WWC1: variants seen among roughly 807,000 people sequenced by gnomAD.
WWC1 encodes the protein protein KIBRA.
WWC1 carries 55 observed loss-of-function variants against 138.4 expected under a neutral mutation model. The observed-to-expected ratio is 0.40, with a 90% CI of 0.32 to 0.50. WWC1 has a LOEUF of 0.50. Ranked by LOEUF, WWC1 falls within the 20% of genes least tolerant of loss-of-function variation. The pLI, the probability that WWC1 is intolerant of heterozygous loss-of-function variation, is 0.72. For synonymous variants in WWC1, 524 were observed against 564.9 expected (o/e 0.93, Z 1.03); for missense variants, 1,226 against 1,420.4 (o/e 0.86, Z 2.20).
intron 1 of WWC1, among the ~76,000 whole-genome samples, chr5:168,341,974 A>T (rs1359421572): frequency 6.6e-6 from 1 of 152,176 alleles, no homozygotes; most frequent in African/African-American, 2.4e-5. Flanking sequence ...TAGCCAGTGG[A>T]CTTCGGTACC....
chr5:168,468,969 C>T lies in WWC1; in HGVS notation c.3294C>T (p.Phe1098=), dbSNP rs767462423. 1.9e-6 allele frequency: 3 copies of T among 1,614,128 alleles called. No homozygotes were observed. Among genetic ancestry groups the T allele is most frequent in the African/African-American group, 1.3e-5 (1 of 74,944 alleles). ...VQSFREKMAF[F]TRPRMNIPAL... ...CTTATAGGGAGAAGATGGCATTTTT[C>T]ACCCGGCCTCGGATGAATATCCCAG... Residue 1098 remains phenylalanine (F), a synonymous_variant, in exon 23 of 23, where the codon TTC becomes TTT. Transcript: ENST00000265293.
intron 11 of WWC1, among the ~76,000 whole-genome samples, chr5:168,426,884 A>G (rs1781547397): frequency 1.3e-5 from 2 of 152,214 alleles, no homozygotes; most frequent in Admixed American, 6.5e-5. Flanking sequence ...GAGGGCAGGA[A>G]TTGTCTTATT....
rs1769087746 is a variant in WWC1 at position 168,292,019 on chromosome 5, C to T, written c.-134C>T. ...CACCCCGGCCGGCCCCTACTAGGGC[C>T]CCCCATCTGCGGGCGCCACCCCCCG... is the stretch of plus-strand genomic sequence containing the variant. On this transcript the variant is annotated 5_prime_UTR_variant, in exon 1 of 23. Transcript: ENST00000265293. The surrounding 1 kb of genome is among the most constrained non-coding windows in gnomAD (Gnocchi z 4.4). 2 of 1,075,888 alleles carry T rather than the reference C, an allele frequency of 1.9e-6. No individual in the cohort carries two copies. Among genetic ancestry groups the T allele is most frequent in the Non-Finnish European group, 2.5e-6 (2 of 810,608 alleles). The allele number at this position is 1,075,888 out of a possible 1,614,324, so 66.6% of individuals were successfully genotyped here.
Position 168,425,513 on chromosome 5 carries a change from G to C in WWC1, c.1810+1445G>C, listed in dbSNP as rs184364863. On this transcript the variant is annotated intron_variant, in intron 11 of 22. Transcript: ENST00000265293. ...AATCTCCTTTTTTTTTTTTTTTTGA[G>C]ATGGAGTCTCACTCTGTCACCCAGG... 1.2e-3 allele frequency among the ~76,000 whole-genome samples: 162 copies of C among 133,016 alleles called. 2 individuals carry two copies. The East Asian group carries it at 0.029, about 24-fold the overall frequency. The allele number at this position is 133,016 out of a possible 152,430, so 87.3% of individuals were successfully genotyped here.
chr5:168,295,358 G>C (rs113179968), intron 1 of WWC1, among the ~76,000 whole-genome samples: 1 of 151,948 alleles, frequency 6.6e-6, no homozygotes, highest in Non-Finnish European at 1.5e-5. Flanking sequence ...ATTTAACAAA[G>C]CTGAAAAGAG....
At chr5:168,348,819 G>A (rs1774693054) in intron 1 of WWC1, among the ~76,000 whole-genome samples, 1 of 152,142 alleles carries the variant, frequency 6.6e-6, no homozygotes, top group Non-Finnish European at 1.5e-5. Flanking sequence ...TGCAGCCTGG[G>A]ATCTTTGCTT....
intron 17 of WWC1, among the ~76,000 whole-genome samples, chr5:168,452,185 C>T (rs977295961): frequency 2.0e-5 from 3 of 152,080 alleles, no homozygotes; most frequent in Admixed American, 6.5e-5. Flanking sequence ...GGATTACAGG[C>T]GTGAGCTACC....
intron 1 of WWC1, among the ~76,000 whole-genome samples, chr5:168,346,606 C>T (rs1229750406): frequency 6.6e-6 from 1 of 152,150 alleles, no homozygotes; most frequent in Non-Finnish European, 1.5e-5. Flanking sequence ...CATTTGAATA[C>T]CTCCTGTTTG....
intron 8 of WWC1, among the ~76,000 whole-genome samples, chr5:168,413,779 G>A (rs193087320): frequency 2.0e-5 from 3 of 152,280 alleles, no homozygotes; most frequent in Non-Finnish European, 4.4e-5. Flanking sequence ...CAGTGACTCA[G>A]TACTTGTTAT....
rs1444994229 is a variant in WWC1 at position 168,470,566 on chromosome 5, G to A, written c.*1549G>A. The A allele has an allele frequency of 6.6e-6, 1 of 151,740 alleles. No homozygotes were observed. Among genetic ancestry groups the A allele is most frequent in the Non-Finnish European group, 1.5e-5 (1 of 68,122 alleles). The allele number at this position is 151,740 out of a possible 1,614,324, so 9.4% of individuals were successfully genotyped here. A position where few individuals can be genotyped will look rare whatever the true frequency, so the allele number is the denominator to read the frequency against. On this transcript the variant is annotated 3_prime_UTR_variant, in exon 23 of 23. Coordinates refer to ENST00000265293, the MANE Select transcript of WWC1 (RefSeq NM_015238.3). ...AAAAATGCAGACTGGCTGGCGCGGT[G>A]GCTCATGCTTGTAATCCCAGCACTT...
At chr5:168,350,921 G>A (rs368919436) in intron 1 of WWC1, among the ~76,000 whole-genome samples, 3 of 152,174 alleles carry the variant, frequency 2.0e-5, no homozygotes, top group East Asian at 1.9e-4. Flanking sequence ...CGAGGCGGGC[G>A]GATCATTTGA....
intron 15 of WWC1, among the ~76,000 whole-genome samples, chr5:168,434,375 T>C (rs1194218962): frequency 2.0e-5 from 3 of 151,464 alleles, no homozygotes; most frequent in East Asian, 3.9e-4. Context: ...GAAAAAGGCC[T>C]GTCCTCTCCC....
intron 1 of WWC1, among the ~76,000 whole-genome samples, chr5:168,370,666 A>T (rs1776682091): frequency 6.6e-6 from 1 of 152,152 alleles, no homozygotes; most frequent in African/African-American, 2.4e-5. Flanking sequence ...TACTTGACAA[A>T]TTGTTTGTGA....
chr5:168,454,141 G>T lies in WWC1; in HGVS notation c.2658+41G>T, dbSNP rs3733978. On this transcript the variant is annotated intron_variant, in intron 18 of 22. Transcript: ENST00000265293. Reference sequence around the variant, plus strand: ...GGGATAGAAGGGCTGTCGTGGGGAAGGAACCTTCAATCCTTGTGCCGAGGC... The same window carrying T: ...GGGATAGAAGGGCTGTCGTGGGGAATGAACCTTCAATCCTTGTGCCGAGGC... 10,643 of 1,598,642 alleles carry T rather than the reference G, an allele frequency of 6.7e-3. 305 individuals carry two copies. The East Asian group carries it at 0.079, about 12-fold the overall frequency.
chr5:168,443,332 G>A (rs946579707), intron 16 of WWC1, among the ~76,000 whole-genome samples: 3 of 150,914 alleles, frequency 2.0e-5, no homozygotes, highest in Admixed American at 6.6e-5. Flanking sequence ...CTTTTTCATC[G>A]TCATCATCAT....
At chr5:168,370,504 A>G (rs1389850716) in intron 1 of WWC1, among the ~76,000 whole-genome samples, 6 of 152,130 alleles carry the variant, frequency 3.9e-5, no homozygotes, top group African/African-American at 1.4e-4. Flanking sequence ...CAGAATTGGG[A>G]TTGGGTAGGA....
intron 18 of WWC1, among the ~76,000 whole-genome samples, chr5:168,455,088 T>C (rs2152886136): frequency 6.6e-6 from 1 of 152,312 alleles, no homozygotes; most frequent in Admixed American, 6.5e-5. Context: ...CTACTGCCCA[T>C]GTGAGTTTGT....
intron 15 of WWC1, among the ~76,000 whole-genome samples, chr5:168,440,266 A>G (rs1252602118): frequency 6.6e-6 from 1 of 152,232 alleles, no homozygotes; most frequent in Non-Finnish European, 1.5e-5. Context: ...ACCACCTCAC[A>G]CATATTTGGA....
chr5:168,324,961 AG>A (rs1248184273), intron 1 of WWC1, among the ~76,000 whole-genome samples: 2 of 152,208 alleles, frequency 1.3e-5, no homozygotes. Context: ...GTAGACACCT[AG>A]TAGCTGAGTT....
Sources: allele counts gnomAD v4.1 joint callset (sites outside exome capture counted in the v4.1 genomes callset), GRCh38; gene constraint gnomAD v4.1.1; non-coding constraint Gnocchi (gnomAD v3.1); transcripts MANE v1.5; gene names NCBI Gene and HGNC (gene_info 2026-07-23, HGNC 2026-07-21).